Variants in TARS1 observed in about 807,000 individuals in gnomAD.
TARS1 encodes threonine--tRNA ligase 1, cytoplasmic.
TARS1 carries 57 observed loss-of-function variants against 97.7 expected under a neutral mutation model. That is an observed-to-expected ratio of 0.58 (90% CI 0.47 to 0.73). The LOEUF is 0.73. Among genes scored for constraint, TARS1 ranks in the 30% least tolerant of loss-of-function variants. TARS1 has a pLI of 0.00. For synonymous variants in TARS1, 312 were observed against 293.7 expected (o/e 1.06, Z -0.64); for missense variants, 806 against 888.3 (o/e 0.91, Z 1.18).
chr5:33,452,700 A>G (rs1275797947), intron 3 of TARS1, among the ~76,000 whole-genome samples: 1 of 152,126 alleles, frequency 6.6e-6, no homozygotes, highest in African/African-American at 2.4e-5. Context: ...TGAGGTTAGC[A>G]TTGTCTGTCA....
At position 33,448,712 on chromosome 5, in the gene TARS1, C is replaced by G. The variant is rs771402412; in HGVS notation, c.310C>G (p.Gln104Glu). 1 of 1,613,190 alleles carries G rather than the reference C, an allele frequency of 6.2e-7. No individual in the cohort carries two copies. The highest frequency in any genetic ancestry group is 1.7e-5 in the Admixed American group (1 of 59,910). The change falls in exon 3 of 19, where the codon CAA (glutamine) becomes GAA (glutamate). Residue 104 changes from glutamine (Q) to glutamate (E), a missense_variant. By Grantham distance (29) the Gln-to-Glu change is conservative (BLOSUM62 2). Transcript: ENST00000265112. ...DAESWKTTPY[Q>E]IACGISQGLA... ...GGAATCTTGGAAAACTACACCATAT[C>G]AAATTGCCTGTGGAATTAGGTATAA...
rs1741359654 is a variant in TARS1, at chr5:33,445,357, G to A, written c.91G>A (p.Gly31Ser). Reference protein sequence around the residue: ...GAGEEKQKEGGKKKNKEGSGD... With the variant: ...GAGEEKQKEGSKKKNKEGSGD... ...TGGTGAAGAGAAGCAAAAGGAAGGA[G>A]GCAAAAAGAAGAACAAAGAAGGATC... The change falls in exon 2 of 19, where the codon GGC becomes AGC. Residue 31 changes from glycine (G) to serine (S), a missense_variant. By Grantham distance (56) the Gly-to-Ser change is moderately conservative. Around this residue, in one of 3 missense-constraint regions of TARS1, gnomAD observed 356 missense variants for 357.8 expected, o/e 0.99. Transcript: ENST00000265112. 7 of 1,613,240 alleles carry A rather than the reference G, an allele frequency of 4.3e-6. No individual in the cohort carries two copies. In the East Asian group the frequency reaches 1.3e-4, roughly 31 times the overall value.
intron 3 of TARS1, among the ~76,000 whole-genome samples, chr5:33,449,102 C>T (rs1008893155): frequency 3.3e-5 from 5 of 152,010 alleles, no homozygotes; most frequent in Non-Finnish European, 7.4e-5. Flanking sequence ...TAAGAAACTT[C>T]ATATAACACA....
At chr5:33,451,940 G>C (rs991934258) in intron 3 of TARS1, among the ~76,000 whole-genome samples, 1 of 152,162 alleles carries the variant, frequency 6.6e-6, no homozygotes, top group Non-Finnish European at 1.5e-5. Flanking sequence ...GTTATGTTTT[G>C]TGAAATGCAT....
chr5:33,441,242 C>G (rs1741078034), intron 1 of TARS1, 99 bp downstream of exon 1: 15 of 1,471,848 alleles, frequency 1.0e-5, no homozygotes, highest in Admixed American at 5.2e-5. Context: ...CAGGAAGCGG[C>G]CGGGACCGCG....
chr5:33,460,079 C>T (rs553090895), intron 11 of TARS1: 287 of 413,732 alleles, frequency 6.9e-4, no homozygotes, highest in African/African-American at 5.3e-3. Flanking sequence ...TGCAGGTATG[C>T]GATTATAGCT....
chr5:33,467,633 C>T lies in TARS1; in HGVS notation c.2097C>T (p.Arg699=). Residue 699 remains arginine, a synonymous_variant, in exon 19 of 19, where the codon CGC becomes CGT. Transcript: ENST00000265112. ...RTRDNKVHGE[R]TISETIERLQ... Reference sequence around the variant, plus strand: ...GAGACAATAAGGTCCACGGGGAACGCACCATTTCTGAAACTATCGAGCGGC... The same window carrying T: ...GAGACAATAAGGTCCACGGGGAACGTACCATTTCTGAAACTATCGAGCGGC... 1 of 1,614,002 alleles carries T rather than the reference C, an allele frequency of 6.2e-7. No individual in the cohort carries two copies. The highest frequency in any genetic ancestry group is 8.5e-7 in the Non-Finnish European group (1 of 1,179,952).
At chr5:33,448,450 C>T in intron 2 of TARS1, 91 bp from the exon 3 acceptor site, 1 of 1,123,080 alleles carries the variant, frequency 8.9e-7, no homozygotes, top group Non-Finnish European at 1.2e-6. Context: ...TCCTGGGTTT[C>T]TGTATTGTTT....
At position 33,448,584 on chromosome 5, in the gene TARS1, A is replaced by G; in HGVS notation, c.182A>G (p.Tyr61Cys). 2 of 1,612,756 alleles carry G rather than the reference A, an allele frequency of 1.2e-6. No individual in the cohort carries two copies. The highest frequency in any genetic ancestry group is 1.7e-4 in the Middle Eastern group (1 of 6,052). Residue 61 changes from tyrosine to cysteine, a missense_variant, in exon 3 of 19, where the codon TAT becomes TGT. By Grantham distance (194) the Tyr-to-Cys change is radical (BLOSUM62 -2). Around this residue, in one of 3 missense-constraint regions of TARS1, gnomAD observed 356 missense variants for 357.8 expected, o/e 0.99. Transcript: ENST00000265112. ...PEYIYTRLEM[Y>C]NILKAEHDSI... is the part of the protein sequence containing the mutation. ...TATATTTACACACGTCTTGAGATGTATAATATACTAAAAGCAGAACATGAT... is the reference window on the plus strand; with the variant it reads ...TATATTTACACACGTCTTGAGATGTGTAATATACTAAAAGCAGAACATGAT...
At chr5:33,446,930 A>G (rs1351633986) in intron 2 of TARS1, among the ~76,000 whole-genome samples, 1 of 152,208 alleles carries the variant, frequency 6.6e-6, no homozygotes, top group Non-Finnish European at 1.5e-5. Flanking sequence ...TAATTTGATG[A>G]AAAGCTCTCA....
intron 3 of TARS1, 78 bp downstream of exon 3, chr5:33,448,809 T>C: frequency 5.2e-6 from 6 of 1,161,674 alleles, no homozygotes; most frequent in Non-Finnish European, 5.9e-6. Flanking sequence ...CCATGTTTTA[T>C]TCTTATAATA....
rs1741359007 is a variant in TARS1 at position 33,445,339 on chromosome 5, G to A, written c.73G>A (p.Glu25Lys). The A allele has an allele frequency of 6.2e-7, 1 of 1,612,262 alleles. No homozygotes were observed. Among genetic ancestry groups the A allele is most frequent in the Non-Finnish European group, 8.5e-7 (1 of 1,178,792 alleles). The change falls in exon 2 of 19, where the codon GAG becomes AAG. Residue 25 changes from glutamate to lysine, a missense_variant. Transcript: ENST00000265112. ...GEEKPIGAGEEKQKEGGKKKN... is the reference protein window; with the variant it reads ...GEEKPIGAGEKKQKEGGKKKN... ...GCTTATTTAGATTGGTGCTGGTGAA[G>A]AGAAGCAAAAGGAAGGAGGCAAAAA... is the stretch of plus-strand genomic sequence containing the variant.
In TARS1 at chr5:33,453,491, G is replaced by T. The variant is rs1411161799; in HGVS notation, c.453+79G>T. 2.6e-6 allele frequency: 4 copies of T among 1,524,732 alleles called. No individual in the cohort carries two copies. In the Admixed American group the frequency reaches 6.0e-5, roughly 23 times the overall value. The allele number at this position is 1,524,732 out of a possible 1,614,324, so 94.5% of individuals were successfully genotyped here. On this transcript the variant is annotated intron_variant, in intron 4 of 18. Transcript: ENST00000265112. ...GTCTTTTCCAGCTCAGTCCTGCTGCGATTGGGTGGCTAACATTTATTGTTG... is the reference window on the plus strand; with the variant it reads ...GTCTTTTCCAGCTCAGTCCTGCTGCTATTGGGTGGCTAACATTTATTGTTG...
chr5:33,446,267 A>G (rs1005542260), intron 2 of TARS1: 2 of 243,132 alleles, frequency 8.2e-6, no homozygotes, highest in Non-Finnish European at 1.7e-5. Context: ...TTAGAACCCT[A>G]CCTAACCATT....
intron 1 of TARS1, among the ~76,000 whole-genome samples, chr5:33,444,364 A>C (rs1374176438): frequency 6.6e-6 from 1 of 152,238 alleles, no homozygotes; most frequent in East Asian, 1.9e-4. Flanking sequence ...AATACCTAAA[A>C]ACCATTGAAT....
Position 33,455,661 on chromosome 5 carries a change from A to C in TARS1, c.650A>C (p.Glu217Ala). The change falls in exon 6 of 19, where the codon GAA (glutamate) becomes GCA (alanine). Residue 217 changes from glutamate to alanine, a missense_variant. Transcript: ENST00000265112. ...ATCATTAAAGAAAAACAAGCTTTTG[A>C]AAGACTGGAAGTTAAGAAAGAAACT... Reference protein sequence around the residue: ...KKIIKEKQAFERLEVKKETLL... With the variant: ...KKIIKEKQAFARLEVKKETLL... 1 of 1,613,022 alleles carries C rather than the reference A, an allele frequency of 6.2e-7. No individual in the cohort carries two copies. The highest frequency in any genetic ancestry group is 8.5e-7 in the Non-Finnish European group (1 of 1,179,222).
intron 9 of TARS1, 131 bp downstream of exon 9, chr5:33,457,534 A>G (rs1742088390): frequency 3.1e-6 from 3 of 954,852 alleles, no homozygotes; most frequent in South Asian, 3.3e-5. Flanking sequence ...AACTGGTGCT[A>G]TGTCCTGTAC....
At chr5:33,443,215 T>C (rs1420380165) in intron 1 of TARS1, among the ~76,000 whole-genome samples, 3 of 152,052 alleles carry the variant, frequency 2.0e-5, no homozygotes, top group Non-Finnish European at 2.9e-5. Context: ...TATTACTTAA[T>C]GATACAAATG....
chr5:33,441,301 C>G (rs556512534), intron 1 of TARS1, 158 bp downstream of exon 1: 34 of 730,730 alleles, frequency 4.7e-5, no homozygotes, highest in South Asian at 2.6e-4. Flanking sequence ...GTCGGAACCC[C>G]CTTTGGGAAC....
Sources: allele counts gnomAD v4.1 joint callset (sites outside exome capture counted in the v4.1 genomes callset), GRCh38; gene constraint gnomAD v4.1.1; regional missense constraint gnomAD v4.1.1; transcripts MANE v1.5; gene names NCBI Gene and HGNC (gene_info 2026-07-23, HGNC 2026-07-21).